CACNG2: variants seen among roughly 807,000 people sequenced by gnomAD.
CACNG2 encodes voltage-dependent calcium channel gamma-2 subunit.
CACNG2 carries 3 observed loss-of-function variants against 25.9 expected under a neutral mutation model. The observed-to-expected ratio is 0.12, with a 90% CI of 0.05 to 0.30. The LOEUF is 0.30. Among genes scored for constraint, CACNG2 ranks in the 10% least tolerant of loss-of-function variants. The pLI is 1.00. For synonymous variants in CACNG2, 167 were observed against 173.3 expected (o/e 0.96, Z 0.29); for missense variants, 341 against 432.5 (o/e 0.79, Z 1.88).
intron 1 of CACNG2, among the ~76,000 whole-genome samples, chr22:36,608,880 A>G (rs1003023352): frequency 6.6e-6 from 1 of 152,184 alleles, no homozygotes; most frequent in Non-Finnish European, 1.5e-5. Context: ...AGCTCTCAGT[A>G]CCTGCTAGCT....
intron 1 of CACNG2, among the ~76,000 whole-genome samples, chr22:36,701,146 C>T (rs548802233): frequency 2.6e-5 from 4 of 152,288 alleles, no homozygotes; most frequent in East Asian, 3.9e-4. Flanking sequence ...TGCTTCCCGA[C>T]GCTGCCTCAA....
At chr22:36,593,265 C>A (rs1373108879) in intron 1 of CACNG2, among the ~76,000 whole-genome samples, 1 of 152,190 alleles carries the variant, frequency 6.6e-6, no homozygotes, top group East Asian at 1.9e-4. Context: ...CGGCCAGGGA[C>A]TGGAGGGGCT....
chr22:36,566,992 C>T (rs114967512), intron 2 of CACNG2, among the ~76,000 whole-genome samples: 111 of 152,344 alleles, frequency 7.3e-4, no homozygotes, highest in African/African-American at 2.6e-3. Flanking sequence ...TGAGCTCCCT[C>T]GTCTGCACTT....
intron 1 of CACNG2, among the ~76,000 whole-genome samples, chr22:36,642,523 T>A (rs942091972): frequency 2.6e-5 from 4 of 152,340 alleles, no homozygotes; most frequent in Non-Finnish European, 5.9e-5. Context: ...AAGGGCATGT[T>A]TCTGCTGCAA....
At chr22:36,579,326 C>G (rs571885929) in intron 2 of CACNG2, among the ~76,000 whole-genome samples, 27 of 148,840 alleles carry the variant, frequency 1.8e-4, no homozygotes, top group Non-Finnish European at 3.3e-4. Flanking sequence ...ATCACTTGAA[C>G]CCAGGAGGTG....
intron 1 of CACNG2, among the ~76,000 whole-genome samples, chr22:36,673,617 T>C (rs1417329659): frequency 6.6e-6 from 1 of 151,804 alleles, no homozygotes; most frequent in Non-Finnish European, 1.5e-5. Context: ...CTGGGCAGTG[T>C]ATGCTGGCAG....
intron 1 of CACNG2, among the ~76,000 whole-genome samples, chr22:36,626,435 A>G (rs1411503454): frequency 6.6e-6 from 1 of 151,630 alleles, no homozygotes; most frequent in African/African-American, 2.4e-5. Context: ...CCATACCACC[A>G]TTTGTTATTT....
At chr22:36,653,347 A>G (rs1276852701) in intron 1 of CACNG2, among the ~76,000 whole-genome samples, 2 of 152,088 alleles carry the variant, frequency 1.3e-5, no homozygotes, top group Non-Finnish European at 2.9e-5. Context: ...GAAAACAAAA[A>G]ACGGATGAGT....
chr22:36,627,374 GT>G (rs1008924861), intron 1 of CACNG2, among the ~76,000 whole-genome samples: 4 of 151,496 alleles, frequency 2.6e-5, no homozygotes, highest in Non-Finnish European at 2.9e-5. Context: ...ATTAGGTGTT[GT>G]TTGGTTTCAA....
At chr22:36,605,287 C>A (rs972672227) in intron 1 of CACNG2, among the ~76,000 whole-genome samples, 1 of 151,998 alleles carries the variant, frequency 6.6e-6, no homozygotes, top group South Asian at 2.1e-4. Flanking sequence ...GTTGGCCAGG[C>A]TGGTCACGAA....
chr22:36,668,970 G>C (rs1936911319), intron 1 of CACNG2, among the ~76,000 whole-genome samples: 1 of 152,152 alleles, frequency 6.6e-6, no homozygotes, highest in Admixed American at 6.5e-5. Context: ...TGCCCACATT[G>C]GTGAGGGCAG....
At chr22:36,585,232 A>C (rs1480841023) in intron 2 of CACNG2, 4 of 152,112 alleles carry the variant, frequency 2.6e-5, no homozygotes, top group African/African-American at 9.7e-5. Flanking sequence ...CCGAGTGTGA[A>C]CCAGTGACAT....
intron 1 of CACNG2, among the ~76,000 whole-genome samples, chr22:36,614,092 T>G (rs1281341872): frequency 6.6e-6 from 1 of 152,176 alleles, no homozygotes; most frequent in African/African-American, 2.4e-5. Context: ...CTGCCTCTCC[T>G]CAGTGCCTCC....
At chr22:36,677,439 G>A (rs1389166169) in intron 1 of CACNG2, among the ~76,000 whole-genome samples, 1 of 152,148 alleles carries the variant, frequency 6.6e-6, no homozygotes, top group Admixed American at 6.5e-5. Context: ...CCACTGCACT[G>A]CCTGGATGGG....
intron 1 of CACNG2, among the ~76,000 whole-genome samples, chr22:36,593,497 G>A (rs1250293006): frequency 6.6e-6 from 1 of 152,184 alleles, no homozygotes; most frequent in East Asian, 1.9e-4. Flanking sequence ...GATGTGAGCA[G>A]TAAAACACTC....
At chr22:36,673,384 T>A (rs946025134) in intron 1 of CACNG2, among the ~76,000 whole-genome samples, 2 of 152,128 alleles carry the variant, frequency 1.3e-5, no homozygotes, top group African/African-American at 2.4e-5. Context: ...AGATTGGAAA[T>A]CGAATTCTCT....
rs1318751263 is a variant in CACNG2, at chr22:36,563,901, C to A, written c.*450G>T. The stretch of plus-strand genomic sequence containing the variant: ...GAAAAATACAAAGGACATCCCCTTT[C>A]CTTTCTGTTCTCATTTTTTTTTTTT... On this transcript the variant is annotated 3_prime_UTR_variant, in exon 4 of 4. Coordinates refer to ENST00000300105, the MANE Select transcript of CACNG2 (RefSeq NM_006078.5). The A allele has an allele frequency of 7.6e-6, 1 of 131,730 alleles. No individual in the cohort carries two copies. The highest frequency in any genetic ancestry group is 3.0e-5 in the African/African-American group (1 of 33,354). 8.2% of individuals were successfully genotyped at this position (131,730 alleles called of 1,614,324 possible).
At chr22:36,590,517 C>T (rs536081921) in intron 1 of CACNG2, among the ~76,000 whole-genome samples, 1 of 152,188 alleles carries the variant, frequency 6.6e-6, no homozygotes, top group African/African-American at 2.4e-5. Flanking sequence ...AGGCTCCATC[C>T]ATCAGGGCGT....
intron 1 of CACNG2, among the ~76,000 whole-genome samples, chr22:36,654,326 C>T (rs555794496): frequency 6.6e-6 from 1 of 152,188 alleles, no homozygotes; most frequent in Admixed American, 6.5e-5. Context: ...AGTGCGGTGG[C>T]TTGATCACAG....
Sources: gnomAD v4.1 joint callset for allele counts (sites outside exome capture counted in the v4.1 genomes callset) on GRCh38, gnomAD v4.1.1 for gene constraint, MANE v1.5 for transcripts, NCBI Gene and HGNC (gene_info 2026-07-23, HGNC 2026-07-21) for gene names.